The following SLC41A3 variants were observed in gnomAD, a reference collection of about 807,000 sequenced individuals.
SLC41A3 encodes SLC41A1-like 2.
Under a neutral mutation model 45.4 loss-of-function variants are expected in SLC41A3, and 44 were observed. The observed-to-expected ratio is 0.97, with a 90% CI of 0.76 to 1.25. The LOEUF (loss-of-function observed/expected upper bound fraction) is 1.25. Among genes scored for constraint, SLC41A3 ranks in the 50% most tolerant of loss-of-function variants. SLC41A3 has a pLI of 0.00. For missense variants in SLC41A3, 550 were observed against 600.6 expected (o/e 0.92, Z 0.88); for synonymous variants, 256 against 252.4 (o/e 1.01, Z -0.13).
intron 10 of SLC41A3, among the ~76,000 whole-genome samples, chr3:126,007,724 T>A (rs935480046): frequency 3.9e-5 from 6 of 152,218 alleles, no homozygotes; most frequent in Admixed American, 2.6e-4. Context: ...AAGCTGCTGC[T>A]GCTCAGGACA....
intron 1 of SLC41A3, among the ~76,000 whole-genome samples, chr3:126,080,548 G>A (rs1945098293): frequency 6.6e-6 from 1 of 152,202 alleles, no homozygotes; most frequent in African/African-American, 2.4e-5. Flanking sequence ...AAAAAAGACA[G>A]GGAATAATGG....
chr3:126,020,318 C>T lies in SLC41A3; in HGVS notation c.745+2468G>A, dbSNP rs1009651018. Among the ~76,000 whole-genome samples the T allele has an allele frequency of 6.6e-5, 10 of 152,018 alleles. No individual in the cohort carries two copies. In the East Asian group the frequency reaches 1.9e-3, roughly 29 times the overall value. On this transcript the variant is annotated intron_variant, in intron 6 of 10. Coordinates refer to ENST00000360370, the MANE Select transcript of SLC41A3 (RefSeq NM_017836.4). ...GGGCCTGTGATGGGAGGGGGGGCCT[C>T]AAAAAATCTCTGAAATGCTTTTGGG... is the stretch of plus-strand genomic sequence containing the variant.
intron 3 of SLC41A3, among the ~76,000 whole-genome samples, chr3:126,036,738 ACT>A (rs1942223885): frequency 6.6e-6 from 1 of 152,068 alleles, no homozygotes; most frequent in African/African-American, 2.4e-5. Flanking sequence ...TATTTAGCTC[ACT>A]CACATAATTT....
chr3:126,068,930 T>C (rs774851089), intron 1 of SLC41A3, among the ~76,000 whole-genome samples: 1 of 152,130 alleles, frequency 6.6e-6, no homozygotes, highest in Non-Finnish European at 1.5e-5. Context: ...TGGGAGAAGT[T>C]AGTAGAAAAC....
chr3:126,095,433 C>A (rs546719449), intron 1 of SLC41A3: 17 of 483,246 alleles, frequency 3.5e-5, no homozygotes, highest in Non-Finnish European at 5.4e-5. Flanking sequence ...GACAGCCAGT[C>A]ACAATGAGTA....
rs578139935 is a variant in SLC41A3, at chr3:126,082,656, C to T, written c.-28+1437G>A. ...GAGGAGGAAACGGACACTCTGTCAC[C>T]CAGAAGCATCCCTGTGTCACCCTGT... On this transcript the variant is annotated intron_variant, in intron 1 of 10. Coordinates refer to ENST00000360370, the MANE Select transcript of SLC41A3 (RefSeq NM_017836.4). Among the ~76,000 whole-genome samples the T allele has an allele frequency of 1.6e-4, 24 of 152,282 alleles. No individual in the cohort carries two copies. In the East Asian group the frequency reaches 1.9e-3, roughly 12 times the overall value.
At chr3:126,094,614 T>G (rs756624643) in intron 1 of SLC41A3, among the ~76,000 whole-genome samples, 12 of 152,236 alleles carry the variant, frequency 7.9e-5, no homozygotes, top group Non-Finnish European at 1.8e-4. Context: ...CTCATAGATT[T>G]AAAAGACTGT....
rs750771906 is a variant in SLC41A3 at position 126,016,763 on chromosome 3, C to T, written c.858G>A (p.Trp286Ter). ...TGACCATGGCCAGGATGATTGGGAA[C>T]CAGCCAAACTTCAGGATCTTCACGA... Reference protein sequence around the residue: ...PPIVKILKFGWFPIILAMVIS... With the variant: ...PPIVKILKFG The change falls in exon 7 of 11, where the codon TGG (tryptophan) becomes TGA (stop). Residue 286 changes from tryptophan (W) to a stop codon, truncating the protein, a stop_gained. Coordinates refer to ENST00000360370, the MANE Select transcript of SLC41A3 (RefSeq NM_017836.4). LOFTEE classifies it high-confidence loss of function. 1 of 1,612,124 alleles carries T rather than the reference C, an allele frequency of 6.2e-7. No individual in the cohort carries two copies. Among genetic ancestry groups the T allele is most frequent in the Admixed American group, 1.7e-5 (1 of 59,658 alleles).
intron 2 of SLC41A3, among the ~76,000 whole-genome samples, chr3:126,067,104 CCCCG>C (rs1457416023): frequency 1.9e-5 from 2 of 102,966 alleles, no homozygotes; most frequent in African/African-American, 6.9e-5. Flanking sequence ...CCCCCCCGCC[CCCCG>C]CCCCGGCCAC....
intron 3 of SLC41A3, among the ~76,000 whole-genome samples, chr3:126,042,479 C>T (rs1221973720): frequency 6.6e-6 from 1 of 151,984 alleles, no homozygotes; most frequent in African/African-American, 2.4e-5. Flanking sequence ...TTTGCAAATA[C>T]CTAATTTTTA....
rs528058137 is a variant in SLC41A3 at position 126,097,068 on chromosome 3, A to G, written c.-79+4361T>C. ...AGACCCGAGCAAGCACGTGAAGGCTAAAGAGAGAAGGTCATGTTTGACCAT... is the reference window on the plus strand; with the variant it reads ...AGACCCGAGCAAGCACGTGAAGGCTGAAGAGAGAAGGTCATGTTTGACCAT... On this transcript the variant is annotated intron_variant, in intron 1 of 9. Coordinates refer to the SLC41A3 transcript ENST00000508835. 2.0e-5 allele frequency among the ~76,000 whole-genome samples: 3 copies of G among 152,344 alleles called. No homozygotes were observed. In the East Asian group the frequency reaches 5.8e-4, roughly 29 times the overall value.
At chr3:126,007,352 TC>T in intron 10 of SLC41A3, 127 bp from the exon 11 acceptor site, 1 of 1,007,880 alleles carries the variant, frequency 9.9e-7, no homozygotes, top group Non-Finnish European at 1.5e-6. Context: ...GCCTCCTTCA[TC>T]CAGCTTCTCT....
chr3:126,069,718 CAAAGA>C (rs1357107559), intron 1 of SLC41A3, among the ~76,000 whole-genome samples: 1 of 151,814 alleles, frequency 6.6e-6, no homozygotes, highest in Non-Finnish European at 1.5e-5. Context: ...CCGGAAGAAG[CAAAGA>C]AAAGTTTCAG....
At chr3:126,057,652 T>C (rs368616753) in intron 2 of SLC41A3, among the ~76,000 whole-genome samples, 5 of 152,134 alleles carry the variant, frequency 3.3e-5, no homozygotes, top group Non-Finnish European at 5.9e-5. Flanking sequence ...CAGCCTGGAG[T>C]CCACTGCCCT....
At chr3:126,062,127 C>T (rs773383452) in intron 2 of SLC41A3, among the ~76,000 whole-genome samples, 1 of 152,234 alleles carries the variant, frequency 6.6e-6, no homozygotes, top group Non-Finnish European at 1.5e-5. Context: ...TGTCAATCCT[C>T]CTGCTTCTCC....
At chr3:126,037,367 C>T (rs1559841822) in intron 3 of SLC41A3, among the ~76,000 whole-genome samples, 1 of 152,142 alleles carries the variant, frequency 6.6e-6, no homozygotes, top group African/African-American at 2.4e-5. Context: ...GAACTTCGTA[C>T]AGACTTGTTA....
intron 3 of SLC41A3, among the ~76,000 whole-genome samples, chr3:126,047,862 A>G (rs1943065362): frequency 1.3e-5 from 2 of 152,230 alleles, no homozygotes; most frequent in South Asian, 4.1e-4. Flanking sequence ...TACCAAAAGC[A>G]CAGGTGACAA....
At chr3:126,096,402 AC>A (rs1191894963) in intron 1 of SLC41A3, among the ~76,000 whole-genome samples, 24 of 151,924 alleles carry the variant, frequency 1.6e-4, no homozygotes, top group African/African-American at 5.8e-4. Flanking sequence ...CCAAAAAAAA[AC>A]ATGGCCATAA....
chr3:126,056,743 G>C, intron 2 of SLC41A3: 1 of 1,418,762 alleles, frequency 7.0e-7, no homozygotes. Context: ...GCACAGATGA[G>C]TGAGGAACAA....
Sources: allele counts gnomAD v4.1 joint callset (sites outside exome capture counted in the v4.1 genomes callset), GRCh38; gene constraint gnomAD v4.1.1; transcripts MANE v1.5; gene names NCBI Gene and HGNC (gene_info 2026-07-23, HGNC 2026-07-21).